Variants in PBX3 observed in about 807,000 individuals in gnomAD.
The protein encoded by PBX3 is pre-B-cell leukemia transcription factor 3.
PBX3 carries 14 observed loss-of-function variants against 48.5 expected under a neutral mutation model. The ratio of observed to expected loss-of-function variants is 0.29; its 90% CI spans 0.19 to 0.45. The LOEUF (loss-of-function observed/expected upper bound fraction) is 0.45. Among genes scored for constraint, PBX3 ranks in the 20% least tolerant of loss-of-function variants. The probability of loss-of-function intolerance (pLI) is 1.00; values close to 1 mark genes in which losing one functional copy is unlikely to be tolerated. For synonymous variants in PBX3, 210 were observed against 200.3 expected, an observed-to-expected ratio of 1.05 and a Z score of -0.41; for missense variants, 386 against 546.7, an observed-to-expected ratio of 0.71 and a Z score of 2.93.
chr9:125,765,755 C>A lies in PBX3; in HGVS notation c.274+17132C>A, dbSNP rs367827506. On this transcript the variant is annotated intron_variant, in intron 2 of 8. Transcript: ENST00000373489. Reference sequence around the variant, plus strand: ...TATTTTTTGTTGTTCATTTTTAAAGCTCCAAAGTAACTCATGCGGGGTGTG... The same window carrying A: ...TATTTTTTGTTGTTCATTTTTAAAGATCCAAAGTAACTCATGCGGGGTGTG... 5.3e-5 allele frequency among the ~76,000 whole-genome samples: 8 copies of A among 152,216 alleles called. No homozygotes were observed. In the East Asian group the frequency reaches 9.6e-4, roughly 18 times the overall value.
At chr9:125,801,868 A>G (rs76498931) in intron 2 of PBX3, among the ~76,000 whole-genome samples, 8,935 of 151,348 alleles carry the variant, frequency 0.059, 608 homozygotes, top group East Asian at 0.17. Context: ...CAGACTTGGT[A>G]TGGTTAAAAC....
chr9:125,863,923 C>G (rs1045118272), intron 2 of PBX3, among the ~76,000 whole-genome samples: 9 of 152,076 alleles, frequency 5.9e-5, no homozygotes, highest in African/African-American at 2.2e-4. Flanking sequence ...ATTTGAGAAG[C>G]CCCTGTCTCC....
chr9:125,830,301 G>A (rs556509891), intron 2 of PBX3, among the ~76,000 whole-genome samples: 2 of 152,162 alleles, frequency 1.3e-5, no homozygotes, highest in African/African-American at 2.4e-5. Flanking sequence ...TAAGGAAAAT[G>A]TAAATTTAAC....
At chr9:125,892,601 GTGGCCTGAAGGA>G (rs1271084725) in intron 2 of PBX3, among the ~76,000 whole-genome samples, 1 of 152,098 alleles carries the variant, frequency 6.6e-6, no homozygotes, top group Non-Finnish European at 1.5e-5. Context: ...TACAAAGTAG[GTGGCCTGAAGGA>G]AAAATATATG....
At chr9:125,902,636 C>T (rs1178337776) in intron 2 of PBX3, among the ~76,000 whole-genome samples, 1 of 151,630 alleles carries the variant, frequency 6.6e-6, no homozygotes, top group Non-Finnish European at 1.5e-5. Flanking sequence ...TGAATAGCTA[C>T]CTTTTTAAAT....
At chr9:125,872,752 C>G (rs1304904864) in intron 2 of PBX3, among the ~76,000 whole-genome samples, 1 of 149,670 alleles carries the variant, frequency 6.7e-6, no homozygotes, top group Non-Finnish European at 1.5e-5. Flanking sequence ...AGAGTGAGAT[C>G]TCGTCTCAAA....
At chr9:125,748,680 A>G in intron 2 of PBX3, 57 bp downstream of exon 2, 2 of 1,276,464 alleles carry the variant, frequency 1.6e-6, no homozygotes, top group African/African-American at 1.5e-5. Context: ...GGTCGGAGCT[A>G]CTCCTTCGAC....
intron 2 of PBX3, among the ~76,000 whole-genome samples, chr9:125,837,832 C>T (rs367822316): frequency 1.6e-4 from 25 of 152,056 alleles, no homozygotes; most frequent in African/African-American, 5.1e-4. Context: ...CCTTGTGATC[C>T]GCCCACTTCG....
intron 5 of PBX3, among the ~76,000 whole-genome samples, chr9:125,942,231 GA>G (rs1299125165): frequency 1.3e-5 from 2 of 152,190 alleles, no homozygotes; most frequent in African/African-American, 4.8e-5. Context: ...AATAAAAGGG[GA>G]GAAACTGAAG....
At chr9:125,957,486 C>T (rs750080623) in intron 5 of PBX3, among the ~76,000 whole-genome samples, 1 of 152,196 alleles carries the variant, frequency 6.6e-6, no homozygotes, top group Non-Finnish European at 1.5e-5. Flanking sequence ...ATTAAATAAA[C>T]CTTTATTAGT....
intron 3 of PBX3, among the ~76,000 whole-genome samples, chr9:125,928,392 A>ATGTGTGTGTGTGTGTG (rs112869741): frequency 4.1e-4 from 57 of 140,284 alleles, no homozygotes; most frequent in African/African-American, 1.4e-3. Context: ...GGGGAAACAA[A>ATGTGTGTGTGTGTGTG]TGTGTGTGTG....
intron 2 of PBX3, among the ~76,000 whole-genome samples, chr9:125,788,408 G>A (rs1169188841): frequency 6.6e-6 from 1 of 152,122 alleles, no homozygotes; most frequent in Admixed American, 6.5e-5. Context: ...AAACCCATTG[G>A]GATGGGCAAG....
At chr9:125,817,533 A>G (rs1838501899) in intron 2 of PBX3, among the ~76,000 whole-genome samples, 1 of 152,174 alleles carries the variant, frequency 6.6e-6, no homozygotes, top group Non-Finnish European at 1.5e-5. Flanking sequence ...CTTTACATTC[A>G]TATTTGCTGA....
chr9:125,793,452 T>C (rs1233015839), intron 2 of PBX3, among the ~76,000 whole-genome samples: 1 of 149,894 alleles, frequency 6.7e-6, no homozygotes, highest in African/African-American at 2.5e-5. Context: ...TTGGTTGACA[T>C]GGAGTCTGAC....
rs879684485 is a variant in PBX3 at position 125,899,215 on chromosome 9, A to G, written c.275-16471A>G. 2.7e-3 allele frequency among the ~76,000 whole-genome samples: 320 copies of G among 117,552 alleles called. 2 individuals are homozygous for G. The highest frequency in any genetic ancestry group is 4.8e-3 in the Middle Eastern group (1 of 210). The allele number at this position is 117,552 out of a possible 152,430, so 77.1% of individuals were successfully genotyped here. ...ATGATATATATATTTATAAATATACATATGTATATATATTTATATATAAAT... is the reference window on the plus strand; with the variant it reads ...ATGATATATATATTTATAAATATACGTATGTATATATATTTATATATAAAT... On this transcript the variant is annotated intron_variant, in intron 2 of 8. Transcript: ENST00000373489.
intron 5 of PBX3, among the ~76,000 whole-genome samples, chr9:125,945,315 A>G (rs529303174): frequency 6.6e-6 from 1 of 152,244 alleles, no homozygotes; most frequent in Admixed American, 6.5e-5. Flanking sequence ...CAGAGTGCCT[A>G]TCACAGAGTA....
intron 2 of PBX3, among the ~76,000 whole-genome samples, chr9:125,850,167 C>T (rs908660207): frequency 1.3e-5 from 2 of 151,936 alleles, no homozygotes; most frequent in Admixed American, 1.3e-4. Flanking sequence ...TAAATTGTAG[C>T]GTTAAATTTT....
chr9:125,813,643 A>G (rs1838363392), intron 2 of PBX3, among the ~76,000 whole-genome samples: 1 of 152,110 alleles, frequency 6.6e-6, no homozygotes, highest in Non-Finnish European at 1.5e-5. Context: ...TGTCACCATT[A>G]TTCTTCAAGC....
Position 125,915,674 on chromosome 9 carries a change from C to G in PBX3, c.275-12C>G. 1 of 1,593,464 alleles carries G rather than the reference C, an allele frequency of 6.3e-7. No homozygotes were observed. Among genetic ancestry groups the G allele is most frequent in the Non-Finnish European group, 8.6e-7 (1 of 1,166,898 alleles). On this transcript the variant is annotated splice_polypyrimidine_tract_variant and intron_variant, in intron 2 of 8. Coordinates refer to ENST00000373489, the MANE Select transcript of PBX3 (RefSeq NM_006195.6). ...TTCTTCTCTCTCTGTCTCTCTCTCTCTTTCCTTGAAGGTCTCAGCATCAGA... is the reference window on the plus strand; with the variant it reads ...TTCTTCTCTCTCTGTCTCTCTCTCTGTTTCCTTGAAGGTCTCAGCATCAGA...
Sources: allele counts gnomAD v4.1 joint callset (sites outside exome capture counted in the v4.1 genomes callset), GRCh38; gene constraint gnomAD v4.1.1; transcripts MANE v1.5; gene names NCBI Gene and HGNC (gene_info 2026-07-23, HGNC 2026-07-21).